Variants in CPNE4 observed in about 807,000 individuals in gnomAD.
CPNE4 encodes copine 4, also known as copine-4.
A neutral mutation model predicts 67.9 loss-of-function variants in CPNE4; 25 were observed. That is an observed-to-expected ratio of 0.37 (90% CI 0.27 to 0.51). The LOEUF (loss-of-function observed/expected upper bound fraction) is 0.51, where lower values mean the gene tolerates loss of function less well. Ranked by LOEUF, CPNE4 falls within the 20% of genes least tolerant of loss-of-function variation. The pLI, the probability that CPNE4 is intolerant of heterozygous loss-of-function variation, is 0.93. For missense variants in CPNE4, 464 were observed against 690.8 expected (o/e 0.67, Z 3.68); for synonymous variants, 242 against 244.9 (o/e 0.99, Z 0.11).
At chr3:131,790,329 A>C (rs2083683890) in intron 2 of CPNE4, among the ~76,000 whole-genome samples, 1 of 152,038 alleles carries the variant, frequency 6.6e-6, no homozygotes, top group Non-Finnish European at 1.5e-5. Flanking sequence ...GGGACATCTA[A>C]AAATTAACTA....
chr3:131,984,027 AG>A (rs1205376999), intron 1 of CPNE4, among the ~76,000 whole-genome samples: 1 of 152,188 alleles, frequency 6.6e-6, no homozygotes. Context: ...TCTGACTGGT[AG>A]AAAACTTGAC....
At chr3:131,872,758 T>G (rs1387604372) in intron 2 of CPNE4, among the ~76,000 whole-genome samples, 1 of 152,184 alleles carries the variant, frequency 6.6e-6, no homozygotes, top group Non-Finnish European at 1.5e-5. Context: ...AACACCATGT[T>G]GTGAGGAAGT....
intron 2 of CPNE4, among the ~76,000 whole-genome samples, chr3:131,747,618 T>G (rs1046578520): frequency 6.6e-6 from 1 of 152,156 alleles, no homozygotes; most frequent in Admixed American, 6.6e-5. Flanking sequence ...GTGATTCTCC[T>G]GCCTTAGCCT....
chr3:131,947,895 T>G (rs949131169), intron 1 of CPNE4, among the ~76,000 whole-genome samples: 1 of 152,146 alleles, frequency 6.6e-6, no homozygotes, highest in African/African-American at 2.4e-5. Flanking sequence ...CTCACCAGCA[T>G]GATCAGTTTT....
chr3:131,938,596 G>C (rs1018527762), intron 1 of CPNE4, among the ~76,000 whole-genome samples: 1 of 152,040 alleles, frequency 6.6e-6, no homozygotes, highest in South Asian at 2.1e-4. Context: ...AGAATGCAAA[G>C]GGGAAGCAGG....
chr3:131,825,965 A>G (rs9818706), intron 2 of CPNE4, among the ~76,000 whole-genome samples: 129,812 of 152,136 alleles, frequency 0.85, 56,046 homozygotes, highest in East Asian at 1. Context: ...CCTTTTGGAT[A>G]AGCTTCCTTA....
Position 131,542,807 on chromosome 3 carries a change from C to A in CPNE4, c.1303-14G>T. ...GATGAAGTATTGCTGCAGTCAGATG[C>A]CCCATGATGATGGGGGGGGGTGAAG... On this transcript the variant is annotated splice_polypyrimidine_tract_variant and intron_variant, in intron 14 of 15. Coordinates refer to ENST00000429747, the MANE Select transcript of CPNE4 (RefSeq NM_130808.3). 1 of 1,456,438 alleles carries A rather than the reference C, an allele frequency of 6.9e-7. No individual in the cohort carries two copies. Among genetic ancestry groups the A allele is most frequent in the Non-Finnish European group, 9.1e-7 (1 of 1,094,018 alleles). The allele number at this position is 1,456,438 out of a possible 1,614,324, so 90.2% of individuals were successfully genotyped here.
At chr3:131,676,936 G>C (rs1440598756) in intron 6 of CPNE4, among the ~76,000 whole-genome samples, 1 of 152,014 alleles carries the variant, frequency 6.6e-6, no homozygotes, top group Non-Finnish European at 1.5e-5. Context: ...TCTGTCTCGA[G>C]GTTTTTGAGG....
chr3:131,750,768 G>T (rs568134996), intron 2 of CPNE4, among the ~76,000 whole-genome samples: 2 of 151,756 alleles, frequency 1.3e-5, no homozygotes, highest in South Asian at 4.2e-4. Flanking sequence ...TTGATGCTCC[G>T]ATGTTCTTTT....
chr3:131,650,127 C>T (rs957042190), intron 7 of CPNE4, among the ~76,000 whole-genome samples: 28 of 152,048 alleles, frequency 1.8e-4, no homozygotes, highest in African/African-American at 6.3e-4. Flanking sequence ...TTTTAAAGGG[C>T]ATATCTGATT....
chr3:131,568,456 C>G (rs2653786), intron 10 of CPNE4, among the ~76,000 whole-genome samples: 2 of 151,978 alleles, frequency 1.3e-5, no homozygotes, highest in South Asian at 4.2e-4. Context: ...CTACTGATGC[C>G]TGGTTTTCTG....
intron 3 of CPNE4, among the ~76,000 whole-genome samples, chr3:131,713,969 T>A (rs1272560897): frequency 2.6e-5 from 4 of 152,126 alleles, no homozygotes; most frequent in Admixed American, 1.3e-4. Flanking sequence ...TGATTACTTA[T>A]GACATCATTC....
chr3:131,830,150 T>G (rs1244649795), intron 2 of CPNE4, among the ~76,000 whole-genome samples: 1 of 152,148 alleles, frequency 6.6e-6, no homozygotes, highest in Admixed American at 6.5e-5. Flanking sequence ...ACAGTGACAG[T>G]GATTCACCCT....
chr3:131,717,587 T>C (rs1348444003), intron 3 of CPNE4, among the ~76,000 whole-genome samples: 1 of 152,174 alleles, frequency 6.6e-6, no homozygotes. Context: ...TGGGCAAGAT[T>C]GATTTCCCCT....
chr3:131,861,782 T>C (rs1038379023), intron 2 of CPNE4, among the ~76,000 whole-genome samples: 27 of 152,322 alleles, frequency 1.8e-4, no homozygotes, highest in African/African-American at 6.3e-4. Flanking sequence ...TTGGAAATTG[T>C]TAGACTTGAG....
At chr3:131,580,274 C>T (rs1334076187) in intron 9 of CPNE4, among the ~76,000 whole-genome samples, 1 of 151,998 alleles carries the variant, frequency 6.6e-6, no homozygotes, top group East Asian at 1.9e-4. Flanking sequence ...ACTTAATAGA[C>T]TACAGTATAG....
chr3:131,975,458 T>C (rs578055762), intron 1 of CPNE4, among the ~76,000 whole-genome samples: 2 of 152,332 alleles, frequency 1.3e-5, no homozygotes, highest in East Asian at 3.9e-4. Flanking sequence ...GCTTCTCCCA[T>C]TGCTATCAGC....
intron 2 of CPNE4, among the ~76,000 whole-genome samples, chr3:131,863,194 C>A (rs1427292964): frequency 6.6e-6 from 1 of 152,150 alleles, no homozygotes; most frequent in African/African-American, 2.4e-5. Context: ...TTTATAGCAG[C>A]ATGTTTTATA....
intron 1 of CPNE4, among the ~76,000 whole-genome samples, chr3:131,978,205 A>C (rs1290090558): frequency 2.1e-5 from 1 of 48,318 alleles, no homozygotes; most frequent in Non-Finnish European, 3.0e-5. Context: ...TAATTATTAT[A>C]TATAATATAT....
Sources: allele counts gnomAD v4.1 joint callset (sites outside exome capture counted in the v4.1 genomes callset), GRCh38; gene constraint gnomAD v4.1.1; transcripts MANE v1.5; gene names NCBI Gene and HGNC (gene_info 2026-07-23, HGNC 2026-07-21).